Variants in RLIM observed in about 807,000 individuals in gnomAD.
RLIM encodes ring finger protein, LIM domain interacting, also known as E3 ubiquitin-protein ligase RLIM.
A neutral mutation model predicts 34.0 loss-of-function variants in RLIM; 2 were observed. The ratio of observed to expected loss-of-function variants is 0.06; its 90% CI spans 0.02 to 0.19. The LOEUF (loss-of-function observed/expected upper bound fraction) is 0.19. Among genes scored for constraint, RLIM ranks in the 10% least tolerant of loss-of-function variants. The probability of loss-of-function intolerance (pLI) is 1.00; values close to 1 mark genes in which losing one functional copy is unlikely to be tolerated. For synonymous variants in RLIM, 169 were observed against 164.0 expected (o/e 1.03, Z -0.23); for missense variants, 286 against 479.7 (o/e 0.60, Z 3.77).
Position 74,583,537 on chromosome X carries a change from TTGA to T in RLIM, c.*7900_*7902del, listed in dbSNP as rs1931270526. 1.9e-6 allele frequency: 1 copy of T among 540,336 alleles called. No individual in the cohort carries two copies. Among genetic ancestry groups the T allele is most frequent in the Non-Finnish European group, 3.3e-6 (1 of 301,123 alleles). The allele number at this position is 540,336 out of a possible 1,213,427, so 44.5% of individuals were successfully genotyped here. A position where few individuals can be genotyped will look rare whatever the true frequency, so the allele number is the denominator to read the frequency against. On this transcript the variant is annotated 3_prime_UTR_variant, in exon 4 of 4. Transcript: ENST00000332687. ...GCAAGACGTGGACCCATTGTCTGTG[TTGA>T]TGAATTCACCAAATTTTTATTCCAG...
At chrX:74,611,589 GGAA>G (rs1180455260) in intron 1 of RLIM, among the ~76,000 whole-genome samples, 3 of 112,153 alleles carry the variant, frequency 2.7e-5, no homozygotes, top group African/African-American at 9.7e-5. Context: ...AGCTGAAACA[GGAA>G]CGTAACAGAC....
chrX:74,595,987 C>A lies in RLIM; in HGVS notation c.-10G>T, dbSNP rs753838426. 25 of 1,139,705 alleles carry A rather than the reference C, an allele frequency of 2.2e-5. No homozygotes were observed. The East Asian group carries it at 7.4e-4, about 34-fold the overall frequency. 93.9% of individuals were successfully genotyped at this position (1,139,705 alleles called of 1,213,427 possible). On this transcript the variant is annotated 5_prime_UTR_variant, in exon 2 of 4. Coordinates refer to ENST00000332687, the MANE Select transcript of RLIM (RefSeq NM_016120.4). ...AATCTGAGTTTTCCATATTGATGAACAAGTGGAAAATACCTGAAAAGAGAA... is the reference window on the plus strand; with the variant it reads ...AATCTGAGTTTTCCATATTGATGAAAAAGTGGAAAATACCTGAAAAGAGAA...
chrX:74,594,729 T>C (rs983022511), intron 2 of RLIM, among the ~76,000 whole-genome samples: 9 of 109,280 alleles, frequency 8.2e-5, no homozygotes, highest in Admixed American at 2.0e-4. Flanking sequence ...TGAAACCCCA[T>C]CTCTACTAAA....
At chrX:74,597,732 G>A (rs1279047063) in intron 1 of RLIM, among the ~76,000 whole-genome samples, 1 of 111,933 alleles carries the variant, frequency 8.9e-6, no homozygotes, top group East Asian at 2.8e-4. Flanking sequence ...TCATATTACT[G>A]AACCAGTAGC....
intron 1 of RLIM, among the ~76,000 whole-genome samples, chrX:74,599,424 C>A (rs915383747): frequency 2.7e-5 from 3 of 111,903 alleles, no homozygotes; most frequent in Non-Finnish European, 1.9e-5. Context: ...ATGTTCCCCA[C>A]GAACACAACT....
At position 74,586,918 on chromosome X, in the gene RLIM, A is replaced by C. The variant is rs1396869250; in HGVS notation, c.*4522T>G. The C allele has an allele frequency of 1.8e-5, 2 of 110,474 alleles. No individual in the cohort carries two copies. The highest frequency in any genetic ancestry group is 6.6e-5 in the African/African-American group (2 of 30,376). The allele number at this position is 110,474 out of a possible 1,213,427, so 9.1% of individuals were successfully genotyped here. ...AGAACAGCCTGGACAACATGGCGAA[A>C]CCCCATCTCCACAAAAAATTAGCCA... On this transcript the variant is annotated 3_prime_UTR_variant, in exon 4 of 4. Transcript: ENST00000332687.
At position 74,589,122 on chromosome X, in the gene RLIM, T is replaced by G. The variant is rs1276356909; in HGVS notation, c.*2318A>C. ...CATTCTGCTTGAGTTACCTCTTACTTTAATACTTCACAAATGAGTAAGTAC... is the reference window on the plus strand; with the variant it reads ...CATTCTGCTTGAGTTACCTCTTACTGTAATACTTCACAAATGAGTAAGTAC... On this transcript the variant is annotated 3_prime_UTR_variant, in exon 4 of 4. Coordinates refer to ENST00000332687, the MANE Select transcript of RLIM (RefSeq NM_016120.4). 8.9e-6 allele frequency: 1 copy of G among 111,830 alleles called. No individual in the cohort carries two copies. The highest frequency in any genetic ancestry group is 1.9e-5 in the Non-Finnish European group (1 of 53,209). The allele number at this position is 111,830 out of a possible 1,213,427, so 9.2% of individuals were successfully genotyped here.
At position 74,590,554 on chromosome X, in the gene RLIM, AAAT is replaced by A. The variant is rs2079608349; in HGVS notation, c.*883_*885del. On this transcript the variant is annotated 3_prime_UTR_variant, in exon 4 of 4. Coordinates refer to ENST00000332687, the MANE Select transcript of RLIM (RefSeq NM_016120.4). ...ATGTCACAGTAGCTGTTCACACATT[AAAT>A]ATTATAGATATGTTCTGCTCTTGAC... The A allele has an allele frequency of 1.8e-5, 2 of 112,395 alleles. No individual in the cohort carries two copies. The highest frequency in any genetic ancestry group is 3.8e-5 in the Non-Finnish European group (2 of 53,251). 9.3% of individuals were successfully genotyped at this position (112,395 alleles called of 1,213,427 possible).
intron 1 of RLIM, among the ~76,000 whole-genome samples, chrX:74,603,970 G>A (rs148160305): frequency 0.013 from 1,394 of 109,757 alleles, 25 homozygotes; most frequent in African/African-American, 0.044. Flanking sequence ...TTAGCCGGAC[G>A]TGGTAGCAGG....
At chrX:74,611,445 T>C (rs2079710468) in intron 1 of RLIM, among the ~76,000 whole-genome samples, 1 of 112,315 alleles carries the variant, frequency 8.9e-6, no homozygotes, top group Admixed American at 9.5e-5. Flanking sequence ...AGCTATTTCT[T>C]AAAATCATTT....
intron 1 of RLIM, among the ~76,000 whole-genome samples, chrX:74,606,898 G>A (rs1004196934): frequency 3.6e-5 from 4 of 111,380 alleles, no homozygotes; most frequent in African/African-American, 6.6e-5. Flanking sequence ...CACTTTGGGA[G>A]GTCGAGGTCG....
In RLIM at chrX:74,585,781, A is replaced by T. The variant is rs978639311; in HGVS notation, c.*5659T>A. 15 of 112,110 alleles carry T rather than the reference A, an allele frequency of 1.3e-4. No homozygotes were observed. The highest frequency in any genetic ancestry group is 4.9e-4 in the African/African-American group (15 of 30,895). The allele number at this position is 112,110 out of a possible 1,213,427, so 9.2% of individuals were successfully genotyped here. ...GTTATGTTCAGGTTTAAATTGAAAG[A>T]AAATGAGAAACCAGATAAAGCAAGC... On this transcript the variant is annotated 3_prime_UTR_variant, in exon 4 of 4. Coordinates refer to ENST00000332687, the MANE Select transcript of RLIM (RefSeq NM_016120.4).
At position 74,583,157 on chromosome X, in the gene RLIM, T is replaced by A. The variant is rs770560649; in HGVS notation, c.*8283A>T. The A allele has an allele frequency of 8.4e-7, 1 of 1,189,448 alleles. No homozygotes were observed. Among genetic ancestry groups the A allele is most frequent in the African/African-American group, 1.7e-5 (1 of 57,562 alleles). ...CAGTCTCTTTAGCTTGGTGGGCTTGTAGTACAGCTACAGCTTCATCAACCT... is the reference window on the plus strand; with the variant it reads ...CAGTCTCTTTAGCTTGGTGGGCTTGAAGTACAGCTACAGCTTCATCAACCT... On this transcript the variant is annotated 3_prime_UTR_variant, in exon 4 of 4. Coordinates refer to ENST00000332687, the MANE Select transcript of RLIM (RefSeq NM_016120.4).
chrX:74,602,319 G>A (rs1025748954), intron 1 of RLIM, among the ~76,000 whole-genome samples: 1 of 111,530 alleles, frequency 9.0e-6, no homozygotes, highest in Non-Finnish European at 1.9e-5. Flanking sequence ...GCTAACACAA[G>A]CTCAATAAAA....
In RLIM at chrX:74,589,065, T is replaced by C. The variant is rs1425189934; in HGVS notation, c.*2375A>G. The C allele has an allele frequency of 2.7e-5, 3 of 112,225 alleles. No homozygotes were observed. Among genetic ancestry groups the C allele is most frequent in the Non-Finnish European group, 5.6e-5 (3 of 53,276 alleles). The allele number at this position is 112,225 out of a possible 1,213,427, so 9.2% of individuals were successfully genotyped here. On this transcript the variant is annotated 3_prime_UTR_variant, in exon 4 of 4. Transcript: ENST00000332687. ...CTTAAAATTCTATTTCCAGTGTTTA[T>C]GAATAGCTTCAATATCTACATTCAT... is the stretch of plus-strand genomic sequence containing the variant.
intron 1 of RLIM, among the ~76,000 whole-genome samples, chrX:74,611,974 C>T (rs967420636): frequency 1.8e-5 from 2 of 111,747 alleles, no homozygotes; most frequent in Non-Finnish European, 3.8e-5. Flanking sequence ...CCCAGTTTGT[C>T]GGGGACAATC....
intron 1 of RLIM, among the ~76,000 whole-genome samples, chrX:74,609,923 C>A (rs2079701266): frequency 8.9e-6 from 1 of 112,198 alleles, no homozygotes; most frequent in South Asian, 3.6e-4. Context: ...AACACAAATA[C>A]TTCCTTTCTC....
At chrX:74,604,811 AT>A (rs1280342104) in intron 1 of RLIM, among the ~76,000 whole-genome samples, 2 of 111,423 alleles carry the variant, frequency 1.8e-5, no homozygotes, top group Non-Finnish European at 3.8e-5. Context: ...TTAATTCAAA[AT>A]TTTAATGAGA....
chrX:74,608,692 G>C (rs1217397004), intron 1 of RLIM, among the ~76,000 whole-genome samples: 1 of 112,036 alleles, frequency 8.9e-6, no homozygotes, highest in Non-Finnish European at 1.9e-5. Flanking sequence ...AAAGGACTCA[G>C]GAATGTTCCT....
Sources: allele counts gnomAD v4.1 joint callset (sites outside exome capture counted in the v4.1 genomes callset), GRCh38; gene constraint gnomAD v4.1.1; transcripts MANE v1.5; gene names NCBI Gene and HGNC (gene_info 2026-07-23, HGNC 2026-07-21).